Variants in TENM1 observed in about 807,000 individuals in gnomAD.
TENM1 encodes teneurin-1.
In TENM1, 35 loss-of-function variants were observed where a neutral mutation model predicts 174.8. That is an observed-to-expected ratio of 0.20 (90% CI 0.15 to 0.27). The LOEUF (loss-of-function observed/expected upper bound fraction) is 0.27. Ranked by LOEUF, TENM1 falls within the 10% of genes least tolerant of loss-of-function variation. TENM1 has a pLI of 1.00. For synonymous variants in TENM1, 781 were observed against 798.7 expected (o/e 0.98, Z 0.37); for missense variants, 1,633 against 2,130.1 (o/e 0.77, Z 4.59).
exon 27 of TENM1, chrX:124,405,205 G>A (rs757441355): frequency 1.4e-5 from 17 of 1,209,631 alleles, no homozygotes; most frequent in East Asian, 8.9e-5. Flanking sequence ...TCTCCATCCC[G>A]CTGGCAAAAG....
chrX:124,451,811 C>A (rs955061291), intron 23 of TENM1, among the ~76,000 whole-genome samples: 1 of 111,877 alleles, frequency 8.9e-6, no homozygotes, highest in Non-Finnish European at 1.9e-5. Context: ...GGAAAACTGG[C>A]TAGCCATATG....
At chrX:124,589,325 A>C (rs991142455) in intron 11 of TENM1, among the ~76,000 whole-genome samples, 1 of 107,330 alleles carries the variant, frequency 9.3e-6, no homozygotes, top group Non-Finnish European at 1.9e-5. Context: ...TTTTGCATCT[A>C]TGTTCAACAG....
the TENM1 span, among the ~76,000 whole-genome samples, chrX:125,196,420 C>T: frequency 9.0e-6 from 1 of 111,243 alleles, no homozygotes; most frequent in Non-Finnish European, 1.9e-5. Flanking sequence ...AGTGTCAGCC[C>T]CACACACATA....
At position 124,674,303 on chromosome X, in the gene TENM1, CAAAAAAAAAAA is replaced by C. The variant is rs745969451; in HGVS notation, c.1016-2479_1016-2469del. 9.6e-4 allele frequency among the ~76,000 whole-genome samples: 16 copies of C among 16,620 alleles called. No homozygotes were observed. The East Asian group carries it at 0.025, about 26-fold the overall frequency. 14.4% of individuals were successfully genotyped at this position (16,620 alleles called of 115,157 possible). On this transcript the variant is annotated intron_variant, in intron 5 of 31. Coordinates refer to ENST00000422452, the Ensembl canonical transcript of TENM1. ...ACATCAACCAAATCCTATCAAAAGG[CAAAAAAAAAAA>C]AAAAAAAAAAAAAAAGTGAATCTGC...
intron 1 of TENM1, among the ~76,000 whole-genome samples, chrX:124,918,380 A>G (rs369323284): frequency 1.9e-4 from 21 of 110,186 alleles, no homozygotes; most frequent in African/African-American, 6.6e-4. Flanking sequence ...GGGTTTCACC[A>G]TGCTGGCCAG....
chrX:125,065,472 C>T, the TENM1 span, among the ~76,000 whole-genome samples: 1 of 111,411 alleles, frequency 9.0e-6, no homozygotes, highest in Non-Finnish European at 1.9e-5. Flanking sequence ...TTTTTGTTTC[C>T]TAATCTTTAA....
chrX:124,779,928 T>C (rs2054869990), intron 3 of TENM1, among the ~76,000 whole-genome samples: 1 of 112,002 alleles, frequency 8.9e-6, no homozygotes, highest in African/African-American at 3.2e-5. Context: ...GGAACTAACC[T>C]TAAGTCTGTC....
chrX:124,890,514 G>T (rs146487638), intron 3 of TENM1, among the ~76,000 whole-genome samples: 1 of 112,128 alleles, frequency 8.9e-6, no homozygotes, highest in African/African-American at 3.2e-5. Flanking sequence ...ATTTTAAAAT[G>T]GGCAAAAGAA....
chrX:124,565,608 G>T, intron 11 of TENM1, 48 bp from the exon 15 acceptor site: 1 of 914,660 alleles, frequency 1.1e-6, no homozygotes, highest in Non-Finnish European at 1.4e-6. Context: ...GTTAAAACCA[G>T]CATCCATTCT....
chrX:124,908,542 T>C (rs902715338), intron 1 of TENM1, among the ~76,000 whole-genome samples: 1 of 111,329 alleles, frequency 9.0e-6, no homozygotes, highest in Non-Finnish European at 1.9e-5. Context: ...ATGATATATA[T>C]GTACCACATT....
chrX:124,987,783 A>G, the TENM1 span, among the ~76,000 whole-genome samples: 1 of 107,397 alleles, frequency 9.3e-6, no homozygotes, highest in African/African-American at 3.4e-5. Flanking sequence ...GTTTGGGACT[A>G]TCTTCAAATC....
chrX:124,636,966 G>A (rs746592571), intron 11 of TENM1, among the ~76,000 whole-genome samples: 4 of 111,850 alleles, frequency 3.6e-5, no homozygotes, highest in Non-Finnish European at 5.6e-5. Context: ...TCACATCTCC[G>A]TTAGTAGTGT....
chrX:125,122,081 A>G, the TENM1 span, among the ~76,000 whole-genome samples: 1 of 111,903 alleles, frequency 8.9e-6, no homozygotes, highest in African/African-American at 3.3e-5. Flanking sequence ...CTCTTAAAAC[A>G]AAAATGGGTA....
At chrX:124,901,030 G>A (rs1021202975) in intron 1 of TENM1, among the ~76,000 whole-genome samples, 3 of 110,798 alleles carry the variant, frequency 2.7e-5, no homozygotes, top group Non-Finnish European at 3.8e-5. Context: ...GACCTCAGGC[G>A]ATCCATCTGC....
chrX:124,404,980 CAAACA>C (rs762388574), intron 27 of TENM1, 46 bp downstream of exon 30: 26 of 1,001,034 alleles, frequency 2.6e-5, no homozygotes, highest in South Asian at 7.9e-5. Flanking sequence ...AACAAACAAA[CAAACA>C]AAACACCTAT....
At chrX:124,840,753 C>G (rs904194748) in intron 3 of TENM1, among the ~76,000 whole-genome samples, 5 of 111,852 alleles carry the variant, frequency 4.5e-5, no homozygotes, top group African/African-American at 1.6e-4. Flanking sequence ...AATCAGTACT[C>G]AACTGCCTAG....
the TENM1 span, among the ~76,000 whole-genome samples, chrX:125,173,779 C>CA: frequency 9.0e-6 from 1 of 111,466 alleles, no homozygotes; most frequent in Non-Finnish European, 1.9e-5. Context: ...GGCTGGGTTC[C>CA]AAAAGTGCTC....
chrX:124,487,857 G>T (rs2046984834), intron 20 of TENM1, among the ~76,000 whole-genome samples: 1 of 111,960 alleles, frequency 8.9e-6, no homozygotes, highest in Admixed American at 9.5e-5. Flanking sequence ...CATCTGTTGT[G>T]CAAATTCCTT....
the TENM1 span, among the ~76,000 whole-genome samples, chrX:125,001,250 T>C: frequency 9.0e-6 from 1 of 111,394 alleles, no homozygotes; most frequent in Non-Finnish European, 1.9e-5. Flanking sequence ...CAGGACATAC[T>C]ATGATTTATT....
Sources: allele counts gnomAD v4.1 joint callset (sites outside exome capture counted in the v4.1 genomes callset), GRCh38; gene constraint gnomAD v4.1.1; transcripts MANE v1.5; gene names NCBI Gene and HGNC (gene_info 2026-07-23, HGNC 2026-07-21).